Variants in GRIK2 observed in about 807,000 individuals in gnomAD.
GRIK2 encodes glutamate ionotropic receptor kainate type subunit 2.
In GRIK2, 32 loss-of-function variants were observed where a neutral mutation model predicts 100.3. That is an observed-to-expected ratio of 0.32 (90% CI 0.24 to 0.43). The LOEUF (loss-of-function observed/expected upper bound fraction) is 0.43. GRIK2 is among the 20% of genes least tolerant of loss of function. The pLI is 1.00. For synonymous variants in GRIK2, 417 were observed against 389.4 expected, an observed-to-expected ratio of 1.07 and a Z score of -0.83; for missense variants, 843 against 1,114.9, an observed-to-expected ratio of 0.76 and a Z score of 3.47.
intron 14 of GRIK2, among the ~76,000 whole-genome samples, chr6:101,944,839 C>T (rs1340269): frequency 0.043 from 6,478 of 151,920 alleles, 472 homozygotes; most frequent in African/African-American, 0.15. Flanking sequence ...AACTTGTAGT[C>T]TCAAAAACTA....
At chr6:101,395,966 A>G (rs892866133) in intron 1 of GRIK2, among the ~76,000 whole-genome samples, 2 of 152,194 alleles carry the variant, frequency 1.3e-5, no homozygotes, top group Non-Finnish European at 1.5e-5. Flanking sequence ...AAATCTTACT[A>G]AGTATATATA....
chr6:101,973,812 A>G (rs1017205951), intron 14 of GRIK2, among the ~76,000 whole-genome samples: 4 of 151,922 alleles, frequency 2.6e-5, no homozygotes, highest in African/African-American at 4.8e-5. Flanking sequence ...ATTGTTATCA[A>G]ATAGGTGTGA....
chr6:101,928,313 C>A, intron 13 of GRIK2, 102 bp from the exon 14 acceptor site: 2 of 680,010 alleles, frequency 2.9e-6, no homozygotes, highest in Non-Finnish European at 5.3e-6. Flanking sequence ...TTGATTTAAG[C>A]TTTTATTACA....
intron 12 of GRIK2, among the ~76,000 whole-genome samples, chr6:101,923,181 G>A (rs1789666188): frequency 6.6e-6 from 1 of 152,110 alleles, no homozygotes; most frequent in Non-Finnish European, 1.5e-5. Flanking sequence ...ACATTATTGT[G>A]AAGAAAATTG....
intron 14 of GRIK2, among the ~76,000 whole-genome samples, chr6:102,004,212 G>T (rs1795091098): frequency 6.8e-6 from 1 of 146,020 alleles, no homozygotes; most frequent in African/African-American, 2.5e-5. Context: ...ATTCTAATTT[G>T]CTACTCTTGT....
rs558890676 is a variant in GRIK2, at chr6:101,927,320, A to G, written c.1868-1095A>G. Reference sequence around the variant, plus strand: ...GTGTTACCTTACTGCATCAGAGATTATACTAAAGATATGACTGTAAGTCCG... The same window carrying G: ...GTGTTACCTTACTGCATCAGAGATTGTACTAAAGATATGACTGTAAGTCCG... On this transcript the variant is annotated intron_variant, in intron 13 of 16. Coordinates refer to ENST00000369134, the MANE Select transcript of GRIK2 (RefSeq NM_021956.5). The G allele has an allele frequency of 9.7e-4, 729 of 748,952 alleles. 2 individuals carry two copies. Among genetic ancestry groups the G allele is most frequent in the Middle Eastern group, 4.1e-3 (6 of 1,470 alleles). The allele number at this position is 748,952 out of a possible 1,614,324, so 46.4% of individuals were successfully genotyped here.
intron 10 of GRIK2, among the ~76,000 whole-genome samples, chr6:101,825,657 T>C (rs1782275331): frequency 6.6e-6 from 1 of 152,094 alleles, no homozygotes; most frequent in Non-Finnish European, 1.5e-5. Flanking sequence ...TTGTCCATAC[T>C]ATAAAATTGA....
chr6:101,973,208 A>G (rs1251717371), intron 14 of GRIK2, among the ~76,000 whole-genome samples: 1 of 151,884 alleles, frequency 6.6e-6, no homozygotes, highest in East Asian at 1.9e-4. Context: ...AAAATGTACA[A>G]TCTGAGCCAT....
intron 2 of GRIK2, among the ~76,000 whole-genome samples, chr6:101,464,662 A>G (rs1219272675): frequency 2.0e-5 from 3 of 150,224 alleles, no homozygotes; most frequent in South Asian, 2.1e-4. Context: ...GACTACAGGC[A>G]CTCGCCACCA....
At chr6:102,033,359 C>G (rs755170038) in intron 14 of GRIK2, among the ~76,000 whole-genome samples, 5 of 151,176 alleles carry the variant, frequency 3.3e-5, no homozygotes, top group Non-Finnish European at 7.4e-5. Flanking sequence ...TATGGTCTTC[C>G]CTGGTTCAAC....
chr6:101,688,004 T>C (rs1409676935), intron 7 of GRIK2, among the ~76,000 whole-genome samples: 1 of 148,936 alleles, frequency 6.7e-6, no homozygotes, highest in East Asian at 1.9e-4. Context: ...TTTTTTAATA[T>C]TATAATGTAT....
chr6:101,672,518 C>T (rs1036229804), intron 4 of GRIK2, among the ~76,000 whole-genome samples: 1 of 152,162 alleles, frequency 6.6e-6, no homozygotes, highest in Non-Finnish European at 1.5e-5. Context: ...TCTTACCTCT[C>T]TTACATTATC....
chr6:101,970,653 C>T (rs571153136), intron 14 of GRIK2, among the ~76,000 whole-genome samples: 1 of 151,986 alleles, frequency 6.6e-6, no homozygotes, highest in Admixed American at 6.6e-5. Context: ...CACTGGTGGG[C>T]ATGTCTTATG....
intron 14 of GRIK2, among the ~76,000 whole-genome samples, chr6:101,933,198 T>C (rs1790396987): frequency 6.6e-6 from 1 of 151,970 alleles, no homozygotes; most frequent in Non-Finnish European, 1.5e-5. Flanking sequence ...TTAAGAACTT[T>C]CGCTGGCAGA....
At chr6:101,595,726 A>G (rs371217167) in intron 2 of GRIK2, among the ~76,000 whole-genome samples, 13,646 of 141,624 alleles carry the variant, frequency 0.096, 663 homozygotes, top group Middle Eastern at 0.11. Flanking sequence ...GTGTATATAT[A>G]TATATATATA....
intron 4 of GRIK2, among the ~76,000 whole-genome samples, chr6:101,675,573 T>G (rs1457845050): frequency 6.6e-6 from 1 of 152,152 alleles, no homozygotes; most frequent in Non-Finnish European, 1.5e-5. Context: ...CTCTTTTATA[T>G]AGTGGATCTT....
chr6:101,473,173 C>G (rs1772045802), intron 2 of GRIK2, among the ~76,000 whole-genome samples: 1 of 147,494 alleles, frequency 6.8e-6, no homozygotes, highest in Non-Finnish European at 1.5e-5. Context: ...TCTTTCCTTT[C>G]TTCCTTCCCT....
intron 2 of GRIK2, among the ~76,000 whole-genome samples, chr6:101,546,979 C>T (rs535633521): frequency 4.7e-5 from 7 of 149,742 alleles, no homozygotes; most frequent in South Asian, 2.1e-4. Flanking sequence ...TACAGGCGCC[C>T]GCCACTACGC....
chr6:101,786,410 A>G lies in GRIK2; in HGVS notation c.952-13238A>G, dbSNP rs539816228. 5.9e-5 allele frequency among the ~76,000 whole-genome samples: 9 copies of G among 152,108 alleles called. No individual in the cohort carries two copies. In the South Asian group the frequency reaches 1.0e-3, roughly 18 times the overall value. On this transcript the variant is annotated intron_variant, in intron 7 of 16. Coordinates refer to ENST00000369134, the MANE Select transcript of GRIK2 (RefSeq NM_021956.5). ...GAGGAAAGGATTTCAGCTTTTTCCC[A>G]TACATTATGTTATTTGTAGGTGTGT...
Sources: allele counts gnomAD v4.1 joint callset (sites outside exome capture counted in the v4.1 genomes callset), GRCh38; gene constraint gnomAD v4.1.1; transcripts MANE v1.5; gene names NCBI Gene and HGNC (gene_info 2026-07-23, HGNC 2026-07-21).